Variants in BCL2L14 observed in about 807,000 individuals in gnomAD.
BCL2L14 encodes the protein BCL2 like 14.
A neutral mutation model predicts 35.3 loss-of-function variants in BCL2L14; 27 were observed. That is an observed-to-expected ratio of 0.76 (90% CI 0.56 to 1.05). BCL2L14 has a LOEUF of 1.05. BCL2L14 is among the 50% of genes least tolerant of loss of function. The pLI is 0.00. For missense variants in BCL2L14, 377 were observed against 382.6 expected (o/e 0.99, Z 0.12); for synonymous variants, 139 against 145.9 (o/e 0.95, Z 0.34).
At chr12:12,067,264 T>C (rs1948605435), upstream of BCL2L14, among the ~76,000 whole-genome samples, 1 of 152,204 alleles carries the variant, frequency 6.6e-6, no homozygotes, top group Admixed American at 6.5e-5. Context: ...TTAGAAGTTA[T>C]GATGGCTGGA....
intron 2 of BCL2L14, among the ~76,000 whole-genome samples, chr12:12,059,992 C>T (rs1948496160): frequency 6.6e-6 from 1 of 152,006 alleles, no homozygotes; most frequent in South Asian, 2.1e-4. Context: ...TTCCTTCTTT[C>T]CCTCCCACCT....
intron 2 of BCL2L14, among the ~76,000 whole-genome samples, chr12:12,056,854 C>A (rs920679447): frequency 6.6e-6 from 1 of 152,094 alleles, no homozygotes; most frequent in African/African-American, 2.4e-5. Context: ...AAACAAAACA[C>A]AATCAATAAC....
At chr12:12,057,486 G>T (rs948431982) in intron 2 of BCL2L14, among the ~76,000 whole-genome samples, 1 of 152,128 alleles carries the variant, frequency 6.6e-6, no homozygotes, top group Non-Finnish European at 1.5e-5. Flanking sequence ...AGCCGGGCTC[G>T]GTGGCTCACG....
chr12:12,079,149 T>A, intron 1 of BCL2L14, 150 bp from the exon 2 acceptor site: 1 of 664,938 alleles, frequency 1.5e-6, no homozygotes, highest in Non-Finnish European at 2.6e-6. Context: ...CCCACCCTAG[T>A]AAGACTGTGG....
intron 1 of BCL2L14, among the ~76,000 whole-genome samples, chr12:12,078,718 C>A (rs1948838201): frequency 6.6e-6 from 1 of 152,224 alleles, no homozygotes; most frequent in African/African-American, 2.4e-5. Context: ...TTCTTTGAAG[C>A]TCACCTATCC....
chr12:12,053,318 C>T (rs530590889), intron 2 of BCL2L14, among the ~76,000 whole-genome samples: 9 of 152,302 alleles, frequency 5.9e-5, no homozygotes, highest in African/African-American at 9.6e-5. Flanking sequence ...AGTCTCACTC[C>T]CTGCTTTTCT....
chr12:12,065,562 G>C (rs892976338), intron 2 of BCL2L14, among the ~76,000 whole-genome samples: 2 of 151,066 alleles, frequency 1.3e-5, no homozygotes, highest in African/African-American at 4.9e-5. Flanking sequence ...AAGAAGAAGT[G>C]ACAAGACAAA....
At chr12:12,053,992 A>G (rs982756945) in intron 2 of BCL2L14, among the ~76,000 whole-genome samples, 3 of 152,216 alleles carry the variant, frequency 2.0e-5, no homozygotes. Flanking sequence ...ATGATATGTT[A>G]CCTAATGTTA....
chr12:12,059,304 C>A (rs1373772473), intron 2 of BCL2L14, among the ~76,000 whole-genome samples: 1 of 151,454 alleles, frequency 6.6e-6, no homozygotes, highest in African/African-American at 2.4e-5. Flanking sequence ...CCTTCTCCAC[C>A]TTTCTGGGGT....
chr12:12,084,452 G>A (rs1948996067), intron 2 of BCL2L14, among the ~76,000 whole-genome samples: 1 of 152,108 alleles, frequency 6.6e-6, no homozygotes, highest in African/African-American at 2.4e-5. Flanking sequence ...AGTCCATAAG[G>A]AAGTCACACC....
At chr12:12,094,028 G>T (rs543388318) in intron 4 of BCL2L14, among the ~76,000 whole-genome samples, 3 of 150,358 alleles carry the variant, frequency 2.0e-5, no homozygotes, top group African/African-American at 7.3e-5. Flanking sequence ...AATCACTTGA[G>T]CCCAGGAGGC....
intron 3 of BCL2L14, among the ~76,000 whole-genome samples, chr12:12,089,277 G>A (rs1178645999): frequency 6.6e-6 from 1 of 152,122 alleles, no homozygotes; most frequent in African/African-American, 2.4e-5. Context: ...GCTGAGGCAG[G>A]AGAATCGCTT....
rs1306551647 is a variant in BCL2L14, at chr12:12,088,494, C to T, written c.607+1108C>T. The stretch of plus-strand genomic sequence containing the variant: ...GTTGGACATGCCTAGTCCCAGGTGG[C>T]CTTTTCCTATTGGCACAGCTGCCAA... On this transcript the variant is annotated intron_variant, in intron 3 of 5. Transcript: ENST00000308721. 4.6e-5 allele frequency among the ~76,000 whole-genome samples: 7 copies of T among 152,252 alleles called. No homozygotes were observed. In the East Asian group the frequency reaches 1.4e-3, roughly 29 times the overall value.
At chr12:12,049,914 A>T (rs1284539838) in exon 1 of BCL2L14, 1 of 152,178 alleles carries the variant, frequency 6.6e-6, no homozygotes, top group Non-Finnish European at 1.5e-5. Context: ...CTCGCCTGGC[A>T]GAACTAACCA....
At chr12:12,090,905 G>A (rs1433430925) in intron 4 of BCL2L14, 56 bp downstream of exon 4, 12 of 1,385,920 alleles carry the variant, frequency 8.7e-6, no homozygotes, top group African/African-American at 1.5e-5. Context: ...ACTAGTACAC[G>A]AGAATGGAAT....
At chr12:12,093,205 A>G (rs1949232088) in intron 4 of BCL2L14, among the ~76,000 whole-genome samples, 1 of 152,192 alleles carries the variant, frequency 6.6e-6, no homozygotes, top group Admixed American at 6.5e-5. Context: ...AAATCAATGA[A>G]TTGGAGTTTT....
intron 1 of BCL2L14, among the ~76,000 whole-genome samples, chr12:12,050,446 A>AAAAG (rs1325518217): frequency 1.6e-5 from 1 of 60,654 alleles, no homozygotes; most frequent in African/African-American, 4.7e-5. Context: ...AAAAAAAAAA[A>AAAAG]AAAGAAAAGA....
chr12:12,090,599 C>T (rs1020107198), intron 3 of BCL2L14, among the ~76,000 whole-genome samples, 180 bp from the exon 4 acceptor site: 13 of 150,710 alleles, frequency 8.6e-5, no homozygotes, highest in African/African-American at 2.9e-4. Flanking sequence ...CACCATTGCA[C>T]TACAGCTTGG....
At chr12:12,074,892 C>A (rs1027257753) in intron 1 of BCL2L14, among the ~76,000 whole-genome samples, 4 of 152,156 alleles carry the variant, frequency 2.6e-5, no homozygotes, top group Non-Finnish European at 5.9e-5. Flanking sequence ...ATCCTCCCAC[C>A]TTGGCCTCCT....
Sources: allele counts gnomAD v4.1 joint callset (sites outside exome capture counted in the v4.1 genomes callset), GRCh38; gene constraint gnomAD v4.1.1; transcripts MANE v1.5; gene names NCBI Gene and HGNC (gene_info 2026-07-23, HGNC 2026-07-21).